GRIA2: variants seen among roughly 807,000 people sequenced by gnomAD.
GRIA2 encodes the protein glutamate receptor 2.
A neutral mutation model predicts 97.3 loss-of-function variants in GRIA2; 14 were observed. The ratio of observed to expected loss-of-function variants is 0.14; its 90% CI spans 0.10 to 0.23. The LOEUF (loss-of-function observed/expected upper bound fraction) is 0.23. Among genes scored for constraint, GRIA2 ranks in the 10% least tolerant of loss-of-function variants. The pLI, the probability that GRIA2 is intolerant of heterozygous loss-of-function variation, is 1.00. For missense variants in GRIA2, 558 were observed against 1,069.8 expected (o/e 0.52, Z 6.67); for synonymous variants, 412 against 387.8 (o/e 1.06, Z -0.73).
Position 157,241,315 on chromosome 4 carries a change from T to G in GRIA2, c.229+19508T>G, listed in dbSNP as rs149482308. ...TAATTCTTGTTTTTTGTGCATTTAT[T>G]ATTTGCTTTTTGGCAGCTTTCAGGA... On this transcript the variant is annotated intron_variant, in intron 2 of 15. Transcript: ENST00000264426. Among the ~76,000 whole-genome samples the G allele has an allele frequency of 3.3e-5, 5 of 152,236 alleles. No homozygotes were observed. In the East Asian group the frequency reaches 9.7e-4, roughly 30 times the overall value.
intron 2 of GRIA2, among the ~76,000 whole-genome samples, chr4:157,225,527 G>T (rs1729703015): frequency 6.6e-6 from 1 of 151,884 alleles, no homozygotes; most frequent in African/African-American, 2.4e-5. Flanking sequence ...TGAAACCAGG[G>T]ATGGGTCCTA....
intron 3 of GRIA2, 50 bp downstream of exon 3, chr4:157,303,841 C>T (rs1211976328): frequency 6.4e-7 from 1 of 1,558,994 alleles, no homozygotes; most frequent in South Asian, 1.1e-5. Context: ...TCAATGCCTA[C>T]ACTTGACACT....
chr4:157,229,567 TCAAA>T (rs1432290046), intron 2 of GRIA2, among the ~76,000 whole-genome samples: 4 of 152,212 alleles, frequency 2.6e-5, no homozygotes, highest in African/African-American at 4.8e-5. Flanking sequence ...TCCATGTTTC[TCAAA>T]CAAATGACAT....
chr4:157,277,141 C>G (rs979885557), intron 2 of GRIA2, among the ~76,000 whole-genome samples: 2 of 151,714 alleles, frequency 1.3e-5, no homozygotes, highest in African/African-American at 4.8e-5. Flanking sequence ...AAATAATTAA[C>G]AAAATATTAG....
intron 2 of GRIA2, among the ~76,000 whole-genome samples, chr4:157,227,015 A>C (rs913454383): frequency 6.6e-6 from 1 of 152,188 alleles, no homozygotes; most frequent in Non-Finnish European, 1.5e-5. Flanking sequence ...ATTTCAAGAA[A>C]ATGAGTGCGT....
Position 157,254,736 on chromosome 4 carries a change from G to A in GRIA2, c.229+32929G>A, listed in dbSNP as rs946051155. ...TCAAATGTGTGTATTTAACCTAGAC[G>A]TTTTACTTCTACTAATTTGTTCTTG... On this transcript the variant is annotated intron_variant, in intron 2 of 15. Transcript: ENST00000264426. Among the ~76,000 whole-genome samples, 12 of 151,950 alleles carry A rather than the reference G, an allele frequency of 7.9e-5. No homozygotes were observed. In the South Asian group the frequency reaches 1.0e-3, roughly 13 times the overall value.
At chr4:157,339,196 G>A (rs1343123598) in intron 11 of GRIA2, among the ~76,000 whole-genome samples, 1 of 151,662 alleles carries the variant, frequency 6.6e-6, no homozygotes, top group Non-Finnish European at 1.5e-5. Flanking sequence ...GTTTGCTTCT[G>A]GATTGTCCCC....
chr4:157,326,536 A>T lies in GRIA2; in HGVS notation c.882+4937A>T, dbSNP rs543452758. ...AAGCAAAGGTACTGTGGTATCACCT[A>T]TGAGAAGCTCCTAATCCTAATTCTA... On this transcript the variant is annotated intron_variant, in intron 6 of 15. Coordinates refer to ENST00000264426, the MANE Select transcript of GRIA2 (RefSeq NM_001083619.3). Among the ~76,000 whole-genome samples the T allele has an allele frequency of 2.0e-5, 3 of 152,292 alleles. No homozygotes were observed. In the South Asian group the frequency reaches 6.2e-4, roughly 32 times the overall value.
intron 2 of GRIA2, among the ~76,000 whole-genome samples, chr4:157,271,188 G>A (rs1484550655): frequency 1.3e-5 from 2 of 151,570 alleles, no homozygotes; most frequent in Admixed American, 1.3e-4. Flanking sequence ...TATATATGTG[G>A]GGTTTCCCTA....
At chr4:157,243,250 A>C (rs1730583980) in intron 2 of GRIA2, among the ~76,000 whole-genome samples, 1 of 152,114 alleles carries the variant, frequency 6.6e-6, no homozygotes, top group Admixed American at 6.6e-5. Context: ...ATAAATCCAT[A>C]AAAAATGAAG....
At chr4:157,277,497 T>C (rs573057086) in intron 2 of GRIA2, among the ~76,000 whole-genome samples, 56 of 151,942 alleles carry the variant, frequency 3.7e-4, no homozygotes, top group African/African-American at 1.2e-3. Flanking sequence ...CTTTCACCAC[T>C]TCTTTTCAAC....
chr4:157,354,279 A>G (rs560106429), intron 12 of GRIA2, among the ~76,000 whole-genome samples: 1 of 152,322 alleles, frequency 6.6e-6, no homozygotes, highest in South Asian at 2.1e-4. Flanking sequence ...CTTTAGCCAA[A>G]TGAATAAGAA....
chr4:157,306,781 G>A (rs1331871467), intron 3 of GRIA2, among the ~76,000 whole-genome samples: 1 of 151,960 alleles, frequency 6.6e-6, no homozygotes, highest in Non-Finnish European at 1.5e-5. Context: ...ACATTTTAAC[G>A]AGTTTATTCA....
rs77449523 is a variant in GRIA2 at position 157,321,170 on chromosome 4, C to T, written c.721-268C>T. On this transcript the variant is annotated intron_variant, in intron 5 of 15. Transcript: ENST00000264426. Reference sequence around the variant, plus strand: ...GAAGATTTCTCAATAGAGTGGAGAACATTTATGTAGGTACAACCATGAGTG... The same window carrying T: ...GAAGATTTCTCAATAGAGTGGAGAATATTTATGTAGGTACAACCATGAGTG... Among the ~76,000 whole-genome samples the T allele has an allele frequency of 2.0e-3, 305 of 152,190 alleles. 2 individuals carry two copies. The highest frequency in any genetic ancestry group is 6.9e-3 in the African/African-American group (288 of 41,524).
chr4:157,259,369 T>G (rs1037687518), intron 2 of GRIA2, among the ~76,000 whole-genome samples: 8 of 152,136 alleles, frequency 5.3e-5, no homozygotes, highest in African/African-American at 1.9e-4. Context: ...GAAGCTCCCT[T>G]GAACAAATCA....
chr4:157,261,513 A>G (rs930979381), intron 2 of GRIA2, among the ~76,000 whole-genome samples: 4 of 152,164 alleles, frequency 2.6e-5, no homozygotes, highest in Non-Finnish European at 5.9e-5. Context: ...ATTAAAAATA[A>G]CCAGACTCAG....
chr4:157,278,911 C>T (rs1732470778), intron 2 of GRIA2, among the ~76,000 whole-genome samples: 1 of 152,014 alleles, frequency 6.6e-6, no homozygotes, highest in African/African-American at 2.4e-5. Context: ...TAAGATACCA[C>T]TACATGCTTA....
intron 3 of GRIA2, among the ~76,000 whole-genome samples, chr4:157,309,659 T>C (rs1052403155): frequency 4.6e-5 from 7 of 152,200 alleles, no homozygotes; most frequent in Non-Finnish European, 1.0e-4. Context: ...TTATACATCA[T>C]CTCTATATTC....
chr4:157,337,996 G>GTATATATA (rs1553957061), intron 11 of GRIA2, among the ~76,000 whole-genome samples: 1 of 126,084 alleles, frequency 7.9e-6, no homozygotes, highest in South Asian at 2.5e-4. Flanking sequence ...ACATATGTGT[G>GTATATATA]TATATATATG....
Sources: gnomAD v4.1 joint callset for allele counts (sites outside exome capture counted in the v4.1 genomes callset) on GRCh38, gnomAD v4.1.1 for gene constraint, MANE v1.5 for transcripts, NCBI Gene and HGNC (gene_info 2026-07-23, HGNC 2026-07-21) for gene names.